Variants in MAST2 observed in about 807,000 individuals in gnomAD.
MAST2 encodes microtubule-associated serine/threonine-protein kinase 2.
MAST2 carries 70 observed loss-of-function variants against 147.4 expected under a neutral mutation model. The ratio of observed to expected loss-of-function variants is 0.47; its 90% CI spans 0.39 to 0.58. MAST2 has a LOEUF of 0.58. Ranked by LOEUF, MAST2 falls within the 20% of genes least tolerant of loss-of-function variation. MAST2 has a pLI of 0.00. For missense variants in MAST2, 2,080 were observed against 2,302.3 expected (o/e 0.90, Z 1.98); for synonymous variants, 869 against 896.8 (o/e 0.97, Z 0.55).
Position 46,004,782 on chromosome 1 carries a change from A to G in MAST2, c.748-1459A>G, listed in dbSNP as rs767019154. Reference sequence around the variant, plus strand: ...GTGGTGCTTTAGCTTTGATTCTTAAATGGATTTAGATATTTAAACCTTGGC... The same window carrying G: ...GTGGTGCTTTAGCTTTGATTCTTAAGTGGATTTAGATATTTAAACCTTGGC... On this transcript the variant is annotated intron_variant, in intron 7 of 28. Transcript: ENST00000361297. Among the ~76,000 whole-genome samples, 42 of 152,348 alleles carry G rather than the reference A, an allele frequency of 2.8e-4. 1 individual carries two copies. The Middle Eastern group carries it at 0.034, about 123-fold the overall frequency.
At chr1:45,817,104 A>G (rs1644479789) in intron 1 of MAST2, among the ~76,000 whole-genome samples, 1 of 152,208 alleles carries the variant, frequency 6.6e-6, no homozygotes, top group Non-Finnish European at 1.5e-5. Flanking sequence ...AGCCTCCAAA[A>G]GGCAAATCTA....
At position 46,019,609 on chromosome 1, in the gene MAST2, CAGAG is replaced by C; in HGVS notation, c.1205_1208del (p.Glu402AlafsTer7). The C allele has an allele frequency of 6.2e-7, 1 of 1,613,994 alleles. No homozygotes were observed. The highest frequency in any genetic ancestry group is 1.7e-5 in the Admixed American group (1 of 60,020). On this transcript the variant is annotated frameshift_variant, in exon 11 of 29. Coordinates refer to ENST00000361297, the MANE Select transcript of MAST2 (RefSeq NM_015112.3). LOFTEE classifies it high-confidence loss of function. ...TTTTCTCTATAGGCTCATGAGCGCTCAGAGAGCTCAGAAGTGGCTTTTGTGATGC... is the reference window on the plus strand; with the variant it reads ...TTTTCTCTATAGGCTCATGAGCGCTCAGCTCAGAAGTGGCTTTTGTGATGC...
Position 45,829,597 on chromosome 1 carries a change from G to A in MAST2, c.468+16G>A, listed in dbSNP as rs758213191. The A allele has an allele frequency of 2.5e-6, 4 of 1,603,006 alleles. No individual in the cohort carries two copies. In the South Asian group the frequency reaches 4.5e-5, roughly 18 times the overall value. ...TGCTGGCCTGGTAAGTGTTCATAAA[G>A]GTGGCATTTTGCTCTATGAAAAATC... On this transcript the variant is annotated intron_variant, in intron 3 of 28. Transcript: ENST00000361297.
chr1:45,894,433 G>GT (rs932985930), intron 4 of MAST2, among the ~76,000 whole-genome samples: 155 of 152,178 alleles, frequency 1.0e-3, no homozygotes, highest in African/African-American at 3.7e-3. Flanking sequence ...TTAAATAACT[G>GT]TAGTTTTTTT....
chr1:45,814,477 AT>A (rs569788046), intron 1 of MAST2, among the ~76,000 whole-genome samples: 1 of 152,174 alleles, frequency 6.6e-6, no homozygotes, highest in African/African-American at 2.4e-5. Context: ...AAAAAAGAAA[AT>A]TTTTTTAATA....
chr1:45,992,527 A>G (rs1234192127), intron 5 of MAST2, among the ~76,000 whole-genome samples: 2 of 152,148 alleles, frequency 1.3e-5, no homozygotes, highest in Non-Finnish European at 2.9e-5. Context: ...TGGTTTGGGT[A>G]ATAGAGTAAT....
intron 1 of MAST2, among the ~76,000 whole-genome samples, chr1:45,806,070 C>A (rs1644132514): frequency 6.6e-6 from 1 of 152,144 alleles, no homozygotes; most frequent in African/African-American, 2.4e-5. Context: ...ATCAAAGGTT[C>A]ATTCAGTCCA....
intron 7 of MAST2, among the ~76,000 whole-genome samples, chr1:46,003,350 A>G (rs570133806): frequency 6.6e-6 from 1 of 152,336 alleles, no homozygotes; most frequent in African/African-American, 2.4e-5. Flanking sequence ...AGTTTGATGC[A>G]TATGAAGCAA....
chr1:45,856,613 G>A (rs912792304), intron 3 of MAST2, among the ~76,000 whole-genome samples: 1 of 152,062 alleles, frequency 6.6e-6, no homozygotes, highest in East Asian at 1.9e-4. Flanking sequence ...TTAAAAAAAC[G>A]TTCTGTCTTT....
intron 1 of MAST2, among the ~76,000 whole-genome samples, chr1:45,816,919 C>T (rs1283467668): frequency 6.6e-6 from 1 of 152,172 alleles, no homozygotes; most frequent in Non-Finnish European, 1.5e-5. Flanking sequence ...CCTCGTGATC[C>T]ACCTGCCTCG....
chr1:45,942,075 G>C (rs1657380428), intron 4 of MAST2, among the ~76,000 whole-genome samples: 1 of 151,860 alleles, frequency 6.6e-6, no homozygotes, highest in South Asian at 2.1e-4. Context: ...TCCTGAAAGA[G>C]TCTCAGGGAC....
At chr1:45,810,751 C>T (rs752889854) in intron 1 of MAST2, among the ~76,000 whole-genome samples, 19 of 119,414 alleles carry the variant, frequency 1.6e-4, no homozygotes, top group Non-Finnish European at 2.9e-4. Flanking sequence ...GTGGAGGTTG[C>T]GGTGAGCCAA....
intron 3 of MAST2, among the ~76,000 whole-genome samples, chr1:45,853,537 A>G (rs1355715022): frequency 2.0e-5 from 3 of 151,774 alleles, no homozygotes; most frequent in Non-Finnish European, 4.4e-5. Flanking sequence ...TATTTTTAGT[A>G]GAGACAGGTT....
chr1:45,846,603 C>T (rs1326139527), intron 3 of MAST2, among the ~76,000 whole-genome samples: 5 of 152,078 alleles, frequency 3.3e-5, no homozygotes, highest in East Asian at 1.9e-4. Context: ...AGGTGAATCA[C>T]GAGGTCAGAA....
intron 4 of MAST2, among the ~76,000 whole-genome samples, chr1:45,905,593 A>G (rs186320417): frequency 6.6e-6 from 1 of 152,046 alleles, no homozygotes; most frequent in Non-Finnish European, 1.5e-5. Context: ...TGGCTAACAC[A>G]GTGAAACCCC....
At chr1:45,810,876 G>A (rs1399173627) in intron 1 of MAST2, among the ~76,000 whole-genome samples, 2 of 146,210 alleles carry the variant, frequency 1.4e-5, no homozygotes, top group African/African-American at 2.5e-5. Flanking sequence ...TTTTTTTGAG[G>A]CAGTCTTGCT....
At position 46,010,762 on chromosome 1, in the gene MAST2, G is replaced by A; in HGVS notation, c.1011G>A (p.Glu337=). Residue 337 remains glutamate (E), a synonymous_variant, in exon 10 of 29, where the codon GAG becomes GAA. Transcript: ENST00000361297. ...CACAAATGGAAGAGCGACTAGCAGA[G>A]TTTATTTCCTCCAACACTCCAGACA... ...ATAQMEERLA[E]FISSNTPDSV... 2 of 1,613,942 alleles carry A rather than the reference G, an allele frequency of 1.2e-6. No homozygotes were observed. The highest frequency in any genetic ancestry group is 8.5e-7 in the Non-Finnish European group (1 of 1,179,986).
intron 5 of MAST2, among the ~76,000 whole-genome samples, chr1:45,991,187 A>G (rs1229037683): frequency 3.3e-5 from 5 of 152,136 alleles, no homozygotes; most frequent in African/African-American, 9.7e-5. Context: ...CCTTTGTCAT[A>G]TATCAGTTGA....
At chr1:46,019,848 A>C (rs1260840565) in intron 11 of MAST2, 151 bp downstream of exon 11, 2 of 695,984 alleles carry the variant, frequency 2.9e-6, no homozygotes, top group East Asian at 2.7e-5. Context: ...TGGGGGACTA[A>C]ACAGGTTTTT....
Sources: gnomAD v4.1 joint callset for allele counts (sites outside exome capture counted in the v4.1 genomes callset) on GRCh38, gnomAD v4.1.1 for gene constraint, MANE v1.5 for transcripts, NCBI Gene and HGNC (gene_info 2026-07-23, HGNC 2026-07-21) for gene names.